ZNF469: variants seen among roughly 807,000 people sequenced by gnomAD.
The protein encoded by ZNF469 is zinc finger protein 469.
Under a neutral mutation model 1.0 loss-of-function variants are expected in ZNF469, and 1 was observed. That is an observed-to-expected ratio of 1.00 (90% CI 0.35 to 4.73). The LOEUF (loss-of-function observed/expected upper bound fraction) is 4.73, where lower values mean the gene tolerates loss of function less well. Ranked by LOEUF, ZNF469 falls within the 30% of genes most tolerant of loss-of-function variation. The pLI is 0.16. For synonymous variants in ZNF469, 2,703 were observed against 2,363.4 expected (o/e 1.14, Z -4.17); for missense variants, 6,100 against 5,356.3 (o/e 1.14, Z -4.33).
chr16:88,123,194 C>A, the ZNF469 span, among the ~76,000 whole-genome samples: 2 of 152,296 alleles, frequency 1.3e-5, no homozygotes, highest in East Asian at 1.9e-4. Context: ...TATGCCCCAA[C>A]CCGTCTGCTT....
the ZNF469 span, among the ~76,000 whole-genome samples, chr16:88,106,210 C>A: frequency 2.0e-5 from 3 of 152,342 alleles, no homozygotes; most frequent in African/African-American, 4.8e-5. Context: ...CCCGCGCCCC[C>A]ACACCCTGGA....
the ZNF469 span, among the ~76,000 whole-genome samples, chr16:88,158,240 C>T: frequency 3.4e-5 from 5 of 146,146 alleles, no homozygotes; most frequent in East Asian, 4.3e-4. Context: ...AGCAGGGAGG[C>T]GGGAGATGGG....
chr16:88,221,812 G>A, the ZNF469 span, among the ~76,000 whole-genome samples: 2 of 152,156 alleles, frequency 1.3e-5, no homozygotes, highest in Non-Finnish European at 2.9e-5. Context: ...AGCTGCTGCT[G>A]GCCCCTACTC....
chr16:88,433,138 A>C lies in ZNF469; in HGVS notation c.5668A>C (p.Ser1890Arg). The change falls in exon 3 of 3, where the codon AGC becomes CGC. Residue 1890 changes from serine to arginine, a missense_variant. Coordinates refer to ENST00000565624, the MANE Select transcript of ZNF469 (RefSeq NM_001367624.2). ...CGCCTGTGTATCCAACACCCACCCT[A>C]GCAGGAGGTCCCAGGACCCAGCTTT... ...SPACVSNTHP[S>R]RRSQDPALSP... 6.5e-7 allele frequency: 1 copy of C among 1,550,262 alleles called. No individual in the cohort carries two copies. Among genetic ancestry groups the C allele is most frequent in the Non-Finnish European group, 8.7e-7 (1 of 1,146,900 alleles).
chr16:88,193,172 GGATGGTGGT>G, the ZNF469 span, among the ~76,000 whole-genome samples: 19 of 5,480 alleles, frequency 3.5e-3, no homozygotes, highest in African/African-American at 0.012. Flanking sequence ...ATGGTGGTGG[GGATGGTGGT>G]GATGGTGGTG....
the ZNF469 span, among the ~76,000 whole-genome samples, chr16:88,157,222 C>T: frequency 2.0e-5 from 3 of 151,882 alleles, no homozygotes; most frequent in African/African-American, 7.3e-5. Context: ...CCCCACCTCA[C>T]AGGCTCTCTC....
chr16:88,376,341 G>T, the ZNF469 span, among the ~76,000 whole-genome samples: 1 of 152,256 alleles, frequency 6.6e-6, no homozygotes, highest in Admixed American at 6.5e-5. Flanking sequence ...GCGGACGTCT[G>T]ACTCCTTCAC....
At chr16:88,167,634 C>T in the ZNF469 span, among the ~76,000 whole-genome samples, 1 of 152,162 alleles carries the variant, frequency 6.6e-6, no homozygotes, top group South Asian at 2.1e-4. Context: ...GGGGGCAGGA[C>T]CCAGAGACCC....
At chr16:88,423,611 A>T (rs1363212789) in intron 1 of ZNF469, among the ~76,000 whole-genome samples, 1 of 152,226 alleles carries the variant, frequency 6.6e-6, no homozygotes, top group Non-Finnish European at 1.5e-5. Flanking sequence ...GTTCTGGCTC[A>T]AATTCCCTCA....
chr16:88,147,090 T>C, the ZNF469 span, among the ~76,000 whole-genome samples: 1 of 152,074 alleles, frequency 6.6e-6, no homozygotes, highest in East Asian at 1.9e-4. Flanking sequence ...GAGGTTCCCT[T>C]TCCAGGGAGA....
chr16:88,342,909 G>T, the ZNF469 span, among the ~76,000 whole-genome samples: 1 of 152,260 alleles, frequency 6.6e-6, no homozygotes, highest in Non-Finnish European at 1.5e-5. Flanking sequence ...CCTGTGGGAG[G>T]TAACCCTCCC....
the ZNF469 span, among the ~76,000 whole-genome samples, chr16:88,111,399 G>A: frequency 1.3e-5 from 2 of 152,122 alleles, no homozygotes; most frequent in East Asian, 1.9e-4. Flanking sequence ...TTACAAACAA[G>A]CCAGTGATTT....
chr16:88,133,378 C>G, the ZNF469 span, among the ~76,000 whole-genome samples: 1 of 152,250 alleles, frequency 6.6e-6, no homozygotes, highest in African/African-American at 2.4e-5. Flanking sequence ...GCAACCCTCC[C>G]TGTCAAGCAG....
chr16:88,106,314 A>T, the ZNF469 span, among the ~76,000 whole-genome samples: 1 of 152,210 alleles, frequency 6.6e-6, no homozygotes. Flanking sequence ...TATGGGGCTC[A>T]GCACAGGGAT....
At chr16:88,129,575 T>C in the ZNF469 span, among the ~76,000 whole-genome samples, 1 of 152,352 alleles carries the variant, frequency 6.6e-6, no homozygotes, top group South Asian at 2.1e-4. Flanking sequence ...TGAAGCTGCC[T>C]GGGAGTGGTG....
the ZNF469 span, among the ~76,000 whole-genome samples, chr16:88,345,633 G>A: frequency 3.9e-5 from 6 of 152,256 alleles, no homozygotes; most frequent in South Asian, 2.1e-4. Flanking sequence ...GGGTCGCCAC[G>A]GGGTCCATTT....
the ZNF469 span, among the ~76,000 whole-genome samples, chr16:88,308,915 C>A: frequency 6.6e-6 from 1 of 152,152 alleles, no homozygotes; most frequent in Non-Finnish European, 1.5e-5. Flanking sequence ...TGCATCAAGG[C>A]TAGCCTGACA....
chr16:88,194,642 C>T, the ZNF469 span: 1 of 152,254 alleles, frequency 6.6e-6, no homozygotes, highest in Admixed American at 6.5e-5. Context: ...CCCCCGGCGT[C>T]TCCTTCCCCG....
chr16:88,383,690 C>G (rs1489233008), intron 1 of ZNF469, among the ~76,000 whole-genome samples: 1 of 151,356 alleles, frequency 6.6e-6, no homozygotes, highest in African/African-American at 2.4e-5. Flanking sequence ...GGTGCCCCAG[C>G]CGTGCCGCCG....
Sources: gnomAD v4.1 joint callset for allele counts (sites outside exome capture counted in the v4.1 genomes callset) on GRCh38, gnomAD v4.1.1 for gene constraint, MANE v1.5 for transcripts, NCBI Gene and HGNC (gene_info 2026-07-23, HGNC 2026-07-21) for gene names.